ZNF385D: variants seen among roughly 807,000 people sequenced by gnomAD.
ZNF385D encodes zinc finger protein 659.
A neutral mutation model predicts 35.8 loss-of-function variants in ZNF385D; 15 were observed. That is an observed-to-expected ratio of 0.42 (90% CI 0.28 to 0.64). The LOEUF (loss-of-function observed/expected upper bound fraction) is 0.64. ZNF385D is among the 30% of genes least tolerant of loss of function. The pLI is 0.23. For synonymous variants in ZNF385D, 212 were observed against 186.8 expected (o/e 1.13, Z -1.10); for missense variants, 474 against 494.6 (o/e 0.96, Z 0.39).
intron 1 of ZNF385D, among the ~76,000 whole-genome samples, chr3:21,669,956 C>T (rs1293097979): frequency 6.6e-6 from 1 of 152,178 alleles, no homozygotes; most frequent in Non-Finnish European, 1.5e-5. Context: ...AACTTCTGCA[C>T]TCAATCCATT....
At chr3:22,069,319 C>A (rs1329964111) in intron 3 of ZNF385D, among the ~76,000 whole-genome samples, 1 of 152,060 alleles carries the variant, frequency 6.6e-6, no homozygotes, top group Non-Finnish European at 1.5e-5. Context: ...CACCAATGAC[C>A]AAACAAATCA....
At chr3:21,651,583 A>T (rs1377397612) in intron 2 of ZNF385D, among the ~76,000 whole-genome samples, 1 of 149,802 alleles carries the variant, frequency 6.7e-6, no homozygotes, top group Non-Finnish European at 1.5e-5. Flanking sequence ...TCTCAAAGTC[A>T]TTGTGAAAAC....
At chr3:22,007,367 C>G (rs896055737) in intron 3 of ZNF385D, among the ~76,000 whole-genome samples, 12 of 152,154 alleles carry the variant, frequency 7.9e-5, no homozygotes, top group African/African-American at 2.9e-4. Flanking sequence ...GTAAGTCTAC[C>G]ATACCATTCA....
intron 2 of ZNF385D, among the ~76,000 whole-genome samples, chr3:22,342,497 G>C (rs960077020): frequency 4.6e-5 from 7 of 151,678 alleles, no homozygotes; most frequent in African/African-American, 1.7e-4. Flanking sequence ...TCATCTACCT[G>C]AACAACTTAT....
intron 3 of ZNF385D, among the ~76,000 whole-genome samples, chr3:21,757,127 T>TTTTTTTG (rs2070376259): frequency 1.0e-5 from 1 of 100,124 alleles, no homozygotes; most frequent in African/African-American, 4.2e-5. Context: ...TCTCTTTTTT[T>TTTTTTTG]TTTTTTTTTT....
chr3:21,901,315 T>C (rs996687620), intron 3 of ZNF385D, among the ~76,000 whole-genome samples: 2 of 152,182 alleles, frequency 1.3e-5, no homozygotes, highest in African/African-American at 2.4e-5. Flanking sequence ...AAACTTTGGT[T>C]TACAGTTGAA....
intron 3 of ZNF385D, among the ~76,000 whole-genome samples, chr3:22,074,861 T>G (rs541412206): frequency 1.3e-5 from 2 of 151,992 alleles, no homozygotes; most frequent in East Asian, 3.9e-4. Flanking sequence ...TTTCACATCT[T>G]CATGTGGACT....
chr3:21,908,104 A>G (rs912922320), intron 3 of ZNF385D, among the ~76,000 whole-genome samples: 2 of 145,876 alleles, frequency 1.4e-5, no homozygotes, highest in African/African-American at 5.0e-5. Flanking sequence ...CTATATCTAT[A>G]TATCTTTCTC....
At chr3:21,754,055 T>C (rs758501167), upstream of ZNF385D, among the ~76,000 whole-genome samples, 2 of 152,250 alleles carry the variant, frequency 1.3e-5, no homozygotes, top group Non-Finnish European at 2.9e-5. Flanking sequence ...TTCCATTATG[T>C]ATATATGCGA....
chr3:22,126,174 T>C (rs778176853), intron 3 of ZNF385D, among the ~76,000 whole-genome samples: 1 of 152,078 alleles, frequency 6.6e-6, no homozygotes. Flanking sequence ...AATGATTATA[T>C]GATTTTTGTC....
intron 2 of ZNF385D, among the ~76,000 whole-genome samples, chr3:22,359,746 T>C (rs549095058): frequency 6.6e-6 from 1 of 152,040 alleles, no homozygotes; most frequent in African/African-American, 2.4e-5. Flanking sequence ...GTTAAAATGA[T>C]AGGAAATAGT....
At chr3:22,133,736 G>T (rs1703940255) in intron 3 of ZNF385D, 1 of 151,830 alleles carries the variant, frequency 6.6e-6, no homozygotes, top group Non-Finnish European at 1.5e-5. Context: ...ACTACACAGA[G>T]ACCTCAGTAC....
intron 2 of ZNF385D, among the ~76,000 whole-genome samples, chr3:22,345,458 C>G (rs1213609516): frequency 1.3e-5 from 2 of 152,102 alleles, no homozygotes; most frequent in Non-Finnish European, 2.9e-5. Flanking sequence ...AAGCAAATAC[C>G]TTAGATTATT....
At chr3:22,048,799 G>C (rs1699167749) in intron 3 of ZNF385D, among the ~76,000 whole-genome samples, 1 of 152,270 alleles carries the variant, frequency 6.6e-6, no homozygotes, top group South Asian at 2.1e-4. Flanking sequence ...TTGGAATTTT[G>C]ATAGTGATTG....
intron 3 of ZNF385D, among the ~76,000 whole-genome samples, chr3:21,513,355 G>C (rs895872050): frequency 1.3e-5 from 2 of 152,088 alleles, no homozygotes; most frequent in African/African-American, 4.8e-5. Flanking sequence ...AAAATGACCA[G>C]AAGTTGATAG....
intron 3 of ZNF385D, among the ~76,000 whole-genome samples, chr3:21,794,372 G>A (rs2072057862): frequency 6.6e-6 from 1 of 152,194 alleles, no homozygotes; most frequent in Non-Finnish European, 1.5e-5. Context: ...CCTCTTGAAA[G>A]CTAGAGTTGC....
chr3:21,819,362 CA>C (rs1322204169), intron 3 of ZNF385D, among the ~76,000 whole-genome samples: 19 of 151,224 alleles, frequency 1.3e-4, no homozygotes, highest in African/African-American at 4.6e-4. Context: ...TGCTCTTTGC[CA>C]GAAGCTCGAA....
chr3:21,664,774 C>G, intron 2 of ZNF385D, 112 bp downstream of exon 2: 1 of 1,417,748 alleles, frequency 7.1e-7, no homozygotes, highest in African/African-American at 1.4e-5. Flanking sequence ...CTAGACAAAC[C>G]ATGCAATGAA....
intron 2 of ZNF385D, among the ~76,000 whole-genome samples, chr3:22,313,209 T>G (rs1397455197): frequency 7.6e-6 from 1 of 131,508 alleles, no homozygotes; most frequent in South Asian, 2.3e-4. Context: ...TGAGAACACA[T>G]GGACACGGGA....
Sources: gnomAD v4.1 joint callset for allele counts (sites outside exome capture counted in the v4.1 genomes callset) on GRCh38, gnomAD v4.1.1 for gene constraint, MANE v1.5 for transcripts, NCBI Gene and HGNC (gene_info 2026-07-23, HGNC 2026-07-21) for gene names.